OPHN1: variants seen among roughly 807,000 people sequenced by gnomAD.
OPHN1 encodes the protein oligophrenin 1, also known as oligophrenin-1.
A neutral mutation model predicts 60.7 loss-of-function variants in OPHN1; 11 were observed. The ratio of observed to expected loss-of-function variants is 0.18; its 90% CI spans 0.11 to 0.30. OPHN1 has a LOEUF of 0.30. Ranked by LOEUF, OPHN1 falls within the 10% of genes least tolerant of loss-of-function variation. The probability of loss-of-function intolerance (pLI) is 1.00; values close to 1 mark genes in which losing one functional copy is unlikely to be tolerated. For missense variants in OPHN1, 449 were observed against 611.0 expected (o/e 0.73, Z 2.80); for synonymous variants, 226 against 222.6 (o/e 1.02, Z -0.14).
At chrX:68,278,485 TG>T (rs960854215) in intron 4 of OPHN1, among the ~76,000 whole-genome samples, 4 of 112,664 alleles carry the variant, frequency 3.6e-5, no homozygotes, top group Non-Finnish European at 7.5e-5. Flanking sequence ...AGAATCCTAT[TG>T]AATAAAGGCC....
At chrX:68,093,986 C>T (rs892754046) in intron 19 of OPHN1, among the ~76,000 whole-genome samples, 2 of 109,818 alleles carry the variant, frequency 1.8e-5, no homozygotes, top group East Asian at 5.7e-4. Flanking sequence ...CTCAATAAGT[C>T]CTAGGCTCTA....
chrX:68,142,089 A>G (rs977977485), intron 15 of OPHN1, among the ~76,000 whole-genome samples: 3 of 111,454 alleles, frequency 2.7e-5, no homozygotes, highest in Non-Finnish European at 5.7e-5. Context: ...CACCATCATC[A>G]CCTGCCGTTA....
At chrX:68,162,633 T>C (rs1422838988) in intron 15 of OPHN1, among the ~76,000 whole-genome samples, 1 of 110,517 alleles carries the variant, frequency 9.0e-6, no homozygotes. Context: ...ACCTTAAAAA[T>C]ATAGAGGTAT....
intron 15 of OPHN1, among the ~76,000 whole-genome samples, chrX:68,136,513 C>T (rs2077221117): frequency 9.1e-6 from 1 of 109,515 alleles, no homozygotes; most frequent in African/African-American, 3.3e-5. Context: ...CTGTGTTAGC[C>T]AGGATGGTCT....
At chrX:68,231,070 A>G (rs2147519862) in intron 6 of OPHN1, among the ~76,000 whole-genome samples, 1 of 111,900 alleles carries the variant, frequency 8.9e-6, no homozygotes, top group African/African-American at 3.2e-5. Context: ...TCAGAAATAA[A>G]AGAATGAAAA....
At chrX:68,233,369 T>C (rs931483052) in intron 6 of OPHN1, among the ~76,000 whole-genome samples, 6 of 112,416 alleles carry the variant, frequency 5.3e-5, no homozygotes, top group Middle Eastern at 4.6e-3. Context: ...GCCTATGATA[T>C]TATTCCATCA....
At chrX:68,076,399 T>TA (rs1275835223) in intron 19 of OPHN1, among the ~76,000 whole-genome samples, 134 of 102,932 alleles carry the variant, frequency 1.3e-3, no homozygotes, top group African/African-American at 2.7e-3. Flanking sequence ...CATAGTGAAT[T>TA]AAAAAAAAAA....
chrX:68,207,699 G>T (rs1014300322), intron 9 of OPHN1, among the ~76,000 whole-genome samples: 2 of 111,085 alleles, frequency 1.8e-5, no homozygotes. Context: ...TTGATAACAT[G>T]ATCAAAACTT....
chrX:68,115,258 A>G (rs1408860140), intron 16 of OPHN1, among the ~76,000 whole-genome samples: 1 of 112,719 alleles, frequency 8.9e-6, no homozygotes, highest in African/African-American at 3.2e-5. Context: ...AGTAAACAAC[A>G]CTGCTGTTTG....
At chrX:68,123,868 C>T (rs189403951) in intron 15 of OPHN1, among the ~76,000 whole-genome samples, 444 of 110,156 alleles carry the variant, frequency 4.0e-3, no homozygotes, top group Middle Eastern at 0.014. Flanking sequence ...TAAAATGGGA[C>T]GGAGTAAATC....
intron 20 of OPHN1, chrX:68,070,552 G>A (rs1157390679): frequency 3.1e-6 from 2 of 644,126 alleles, no homozygotes; most frequent in African/African-American, 4.3e-5. Flanking sequence ...ACCCCAGGAA[G>A]GACTTTACTG....
intron 19 of OPHN1, among the ~76,000 whole-genome samples, chrX:68,078,984 AAAAT>A (rs373187258): frequency 0.01 from 1,064 of 102,023 alleles, 5 homozygotes; most frequent in Non-Finnish European, 0.013. Flanking sequence ...AGACTGTCTC[AAAAT>A]AAATAAATAA....
At position 68,049,985 on chromosome X, in the gene OPHN1, G is replaced by A. The variant is rs773795353; in HGVS notation, c.2376-1528C>T. On this transcript the variant is annotated intron_variant, in intron 23 of 24. Coordinates refer to ENST00000355520, the MANE Select transcript of OPHN1 (RefSeq NM_002547.3). ...AGGGGGTGATGTCATTCAAACGCTAGGCCGTAGTCAGGTATACAAATGGGG... is the reference window on the plus strand; with the variant it reads ...AGGGGGTGATGTCATTCAAACGCTAAGCCGTAGTCAGGTATACAAATGGGG... Among the ~76,000 whole-genome samples the A allele has an allele frequency of 6.6e-3, 741 of 112,211 alleles. 3 individuals are homozygous for A. The highest frequency in any genetic ancestry group is 0.011 in the Non-Finnish European group (573 of 53,264).
intron 2 of OPHN1, among the ~76,000 whole-genome samples, chrX:68,429,745 G>T (rs1423201364): frequency 1.8e-5 from 2 of 110,723 alleles, no homozygotes; most frequent in Non-Finnish European, 3.8e-5. Context: ...AATGAAAAGT[G>T]ATTTGTGGGA....
intron 2 of OPHN1, among the ~76,000 whole-genome samples, chrX:68,350,927 GT>G (rs1216765649): frequency 9.0e-6 from 1 of 110,819 alleles, no homozygotes; most frequent in Non-Finnish European, 1.9e-5. Context: ...TTCTGAAACT[GT>G]TTTTTGTTTT....
intron 5 of OPHN1, among the ~76,000 whole-genome samples, chrX:68,272,153 C>T (rs2077973173): frequency 1.8e-5 from 2 of 111,517 alleles, no homozygotes; most frequent in Admixed American, 9.5e-5. Flanking sequence ...ATTGATAACA[C>T]ACAGGGGTAG....
chrX:68,287,656 C>A (rs932944343), intron 3 of OPHN1, among the ~76,000 whole-genome samples: 2 of 111,643 alleles, frequency 1.8e-5, no homozygotes, highest in African/African-American at 3.3e-5. Flanking sequence ...GCACACATTG[C>A]ATGATTATAC....
chrX:68,060,703 G>A (rs1420200096), intron 21 of OPHN1, among the ~76,000 whole-genome samples: 2 of 112,101 alleles, frequency 1.8e-5, no homozygotes, highest in African/African-American at 6.5e-5. Flanking sequence ...GGCACAGCTG[G>A]CTCACTAATG....
intron 5 of OPHN1, among the ~76,000 whole-genome samples, chrX:68,270,506 A>G (rs2077961993): frequency 9.8e-6 from 1 of 102,331 alleles, no homozygotes; most frequent in African/African-American, 3.6e-5. Flanking sequence ...ACCAAACACC[A>G]CATGTTCTCA....
Sources: allele counts gnomAD v4.1 joint callset (sites outside exome capture counted in the v4.1 genomes callset), GRCh38; gene constraint gnomAD v4.1.1; transcripts MANE v1.5; gene names NCBI Gene and HGNC (gene_info 2026-07-23, HGNC 2026-07-21).